The following NRXN1 variants were observed in gnomAD, a reference collection of about 807,000 sequenced individuals.
The protein encoded by NRXN1 is neurexin-1.
Under a neutral mutation model 150.9 loss-of-function variants are expected in NRXN1, and 39 were observed. The observed-to-expected ratio is 0.26, with a 90% CI of 0.20 to 0.34. The LOEUF is 0.34. Among genes scored for constraint, NRXN1 ranks in the 10% least tolerant of loss-of-function variants. The probability of loss-of-function intolerance (pLI) is 1.00; values close to 1 mark genes in which losing one functional copy is unlikely to be tolerated. For synonymous variants in NRXN1, 924 were observed against 757.0 expected (o/e 1.22, Z -3.62); for missense variants, 1,815 against 1,949.9 (o/e 0.93, Z 1.30).
chr2:50,411,724 C>G (rs1044798995), intron 17 of NRXN1, among the ~76,000 whole-genome samples: 6 of 151,292 alleles, frequency 4.0e-5, no homozygotes, highest in African/African-American at 1.2e-4. Context: ...AGCCGCCACC[C>G]TGTCTGGGAG....
At chr2:50,381,009 T>C (rs973981849) in intron 17 of NRXN1, among the ~76,000 whole-genome samples, 1 of 152,130 alleles carries the variant, frequency 6.6e-6, no homozygotes, top group Admixed American at 6.6e-5. Flanking sequence ...ATAGTGATGA[T>C]TTATTTGTCT....
Position 50,210,873 on chromosome 2 carries a change from A to G in NRXN1, c.3546+25916T>C, listed in dbSNP as rs188439871. Among the ~76,000 whole-genome samples, 17 of 151,738 alleles carry G rather than the reference A, an allele frequency of 1.1e-4. No individual in the cohort carries two copies. In the South Asian group the frequency reaches 1.7e-3, roughly 15 times the overall value. On this transcript the variant is annotated intron_variant, in intron 18 of 22. Transcript: ENST00000401669. The stretch of plus-strand genomic sequence containing the variant: ...AAAAGATATATTTAGCTTTTAAAAA[A>G]TAAAATTACTTTCACATACATAAGA...
At chr2:50,839,275 T>A (rs1672529681) in intron 5 of NRXN1, among the ~76,000 whole-genome samples, 1 of 152,168 alleles carries the variant, frequency 6.6e-6, no homozygotes, top group Admixed American at 6.6e-5. Flanking sequence ...ATACTTCATT[T>A]TTATCTCATG....
At chr2:50,835,613 T>C (rs987855534) in intron 5 of NRXN1, among the ~76,000 whole-genome samples, 1 of 152,056 alleles carries the variant, frequency 6.6e-6, no homozygotes. Context: ...TGAGGAAATA[T>C]GGATATAAAC....
rs1439258009 is a variant in NRXN1 at position 51,028,085 on chromosome 2, G to A, written c.189C>T (p.Ala63=). Residue 63 remains alanine (A), a synonymous_variant, in exon 2 of 23, where the codon GCC becomes GCT. Transcript: ENST00000401669. ...CGTCGAAGTAGAGCACGAGGCCGCG[G>A]GCGCTGCGAGTCTTGAGCTGGAAGC... ...EMSFQLKTRS[A]RGLVLYFDDE... is the part of the protein sequence containing the mutation. 3 of 1,586,356 alleles carry A rather than the reference G, an allele frequency of 1.9e-6. No individual in the cohort carries two copies. The highest frequency in any genetic ancestry group is 1.7e-5 in the Admixed American group (1 of 58,554).
chr2:51,002,349 G>C (rs893158286), intron 2 of NRXN1, among the ~76,000 whole-genome samples: 1 of 151,934 alleles, frequency 6.6e-6, no homozygotes, highest in South Asian at 2.1e-4. Flanking sequence ...ATAAAATGTT[G>C]TGTTTCTAGG....
intron 17 of NRXN1, among the ~76,000 whole-genome samples, chr2:50,421,552 A>G (rs2084000432): frequency 6.6e-6 from 1 of 152,128 alleles, no homozygotes; most frequent in Non-Finnish European, 1.5e-5. Flanking sequence ...GGCTGCATGT[A>G]TCTGATTTGC....
At chr2:49,974,275 C>A (rs1169981622) in intron 21 of NRXN1, 2 of 581,820 alleles carry the variant, frequency 3.4e-6, no homozygotes, top group East Asian at 3.5e-5. Flanking sequence ...GCTGCAGTTC[C>A]GTCTGCAGTT....
intron 21 of NRXN1, among the ~76,000 whole-genome samples, chr2:49,972,255 G>T (rs1678087044): frequency 6.7e-6 from 1 of 149,044 alleles, no homozygotes; most frequent in Admixed American, 7.0e-5. Context: ...GGGAGCTGGG[G>T]GTGACAGAGG....
chr2:50,604,353 A>T (rs1676756277), intron 8 of NRXN1, among the ~76,000 whole-genome samples: 1 of 152,236 alleles, frequency 6.6e-6, no homozygotes, highest in Non-Finnish European at 1.5e-5. Flanking sequence ...CTCTCAGATG[A>T]TGCTTATGCA....
intron 17 of NRXN1, among the ~76,000 whole-genome samples, chr2:50,294,895 C>G (rs1450777717): frequency 6.6e-6 from 1 of 152,134 alleles, no homozygotes; most frequent in Non-Finnish European, 1.5e-5. Flanking sequence ...AAAACCTTAT[C>G]CCTATCAGTC....
At chr2:50,150,132 C>T (rs1332446658) in intron 18 of NRXN1, among the ~76,000 whole-genome samples, 2 of 151,740 alleles carry the variant, frequency 1.3e-5, no homozygotes, top group Admixed American at 6.6e-5. Context: ...AGAAATCACA[C>T]TTGATCACTT....
chr2:50,433,448 T>C (rs1050311575), intron 17 of NRXN1, among the ~76,000 whole-genome samples: 1 of 152,190 alleles, frequency 6.6e-6, no homozygotes, highest in African/African-American at 2.4e-5. Flanking sequence ...TAAAATACTA[T>C]TTGGTACTGT....
intron 17 of NRXN1, among the ~76,000 whole-genome samples, chr2:50,244,473 T>C (rs533431123): frequency 6.6e-6 from 1 of 151,768 alleles, no homozygotes; most frequent in African/African-American, 2.4e-5. Flanking sequence ...AGTTATTCTC[T>C]TTTTTTTCTG....
At chr2:50,418,555 C>T (rs1243924212) in intron 17 of NRXN1, among the ~76,000 whole-genome samples, 2 of 152,048 alleles carry the variant, frequency 1.3e-5, no homozygotes, top group South Asian at 2.1e-4. Context: ...AAGCCCAGTA[C>T]ATTTTGATTA....
chr2:50,951,963 A>ATATTTTTTTTT (rs1387961788), intron 2 of NRXN1, among the ~76,000 whole-genome samples: 10 of 74,822 alleles, frequency 1.3e-4, no homozygotes, highest in African/African-American at 2.8e-4. Flanking sequence ...ATATATATAT[A>ATATTTTTTTTT]TTTTTTTTTT....
intron 8 of NRXN1, among the ~76,000 whole-genome samples, chr2:50,607,192 C>A (rs539971728): frequency 6.6e-6 from 1 of 152,082 alleles, no homozygotes; most frequent in Non-Finnish European, 1.5e-5. Flanking sequence ...CTCTGCAAAG[C>A]CTGCCGCCAG....
At chr2:50,322,034 C>CAAAAAAAA (rs10707210) in intron 17 of NRXN1, among the ~76,000 whole-genome samples, 1 of 117,596 alleles carries the variant, frequency 8.5e-6, no homozygotes. Flanking sequence ...ATTACAACAT[C>CAAAAAAAA]AAAAAAAAAA....
intron 5 of NRXN1, among the ~76,000 whole-genome samples, chr2:50,806,927 T>A (rs1667585928): frequency 6.6e-6 from 1 of 152,180 alleles, no homozygotes; most frequent in Admixed American, 6.5e-5. Flanking sequence ...ATTCCCAATT[T>A]ATCTGACAAA....
Sources: allele counts gnomAD v4.1 joint callset (sites outside exome capture counted in the v4.1 genomes callset), GRCh38; gene constraint gnomAD v4.1.1; transcripts MANE v1.5; gene names NCBI Gene and HGNC (gene_info 2026-07-23, HGNC 2026-07-21).